Variants in MNAT1 observed in about 807,000 individuals in gnomAD.
MNAT1 encodes MNAT1 component of CDK activating kinase.
In MNAT1, 43 loss-of-function variants were observed where a neutral mutation model predicts 42.0. The observed-to-expected ratio is 1.02, with a 90% CI of 0.80 to 1.32. The LOEUF is 1.32. Ranked by LOEUF, MNAT1 falls within the 40% of genes most tolerant of loss-of-function variation. The pLI is 0.00. For missense variants in MNAT1, 306 were observed against 350.4 expected, an observed-to-expected ratio of 0.87 and a Z score of 1.01; for synonymous variants, 118 against 120.0, an observed-to-expected ratio of 0.98 and a Z score of 0.11.
At chr14:60,756,179 A>C (rs960155592) in intron 1 of MNAT1, among the ~76,000 whole-genome samples, 1 of 152,230 alleles carries the variant, frequency 6.6e-6, no homozygotes, top group Non-Finnish European at 1.5e-5. Context: ...TACATATAGC[A>C]CAATGTGGGA....
At chr14:60,802,907 C>T (rs1023176470) in intron 3 of MNAT1, among the ~76,000 whole-genome samples, 3 of 148,318 alleles carry the variant, frequency 2.0e-5, no homozygotes, top group Non-Finnish European at 4.5e-5. Context: ...TGGCATTGTT[C>T]GGTTTGTCAT....
At chr14:60,809,349 C>G (rs1400753783) in intron 4 of MNAT1, among the ~76,000 whole-genome samples, 2 of 152,120 alleles carry the variant, frequency 1.3e-5, no homozygotes, top group Admixed American at 1.3e-4. Flanking sequence ...GTAAAACTCT[C>G]AATGAATTGA....
intron 1 of MNAT1, 85 bp downstream of exon 1, chr14:60,735,036 G>C: frequency 7.7e-7 from 1 of 1,298,502 alleles, no homozygotes; most frequent in East Asian, 2.3e-5. Context: ...CTCGTCTTGG[G>C]AGCAAAGGGC....
At chr14:60,788,337 G>A (rs1029619667) in intron 1 of MNAT1, among the ~76,000 whole-genome samples, 11 of 152,090 alleles carry the variant, frequency 7.2e-5, no homozygotes, top group East Asian at 1.9e-4. Context: ...AAATAGATGC[G>A]CCATCATTCA....
chr14:60,831,527 A>G (rs141354156), intron 6 of MNAT1, among the ~76,000 whole-genome samples: 5 of 152,128 alleles, frequency 3.3e-5, no homozygotes, highest in African/African-American at 4.8e-5. Flanking sequence ...TTATGGCTAC[A>G]TAGTATTCCA....
intron 6 of MNAT1, among the ~76,000 whole-genome samples, chr14:60,836,086 A>C (rs1212785413): frequency 6.6e-6 from 1 of 152,020 alleles, no homozygotes; most frequent in Non-Finnish European, 1.5e-5. Flanking sequence ...CAGCTCCATC[A>C]GGTCATTTAT....
At chr14:60,963,281 G>A (rs528699336) in intron 7 of MNAT1, among the ~76,000 whole-genome samples, 8 of 152,224 alleles carry the variant, frequency 5.3e-5, no homozygotes, top group African/African-American at 1.7e-4. Context: ...CACCCAGCCG[G>A]CCATGTATTT....
chr14:60,835,300 C>G (rs1044428524), intron 6 of MNAT1, among the ~76,000 whole-genome samples: 1 of 152,048 alleles, frequency 6.6e-6, no homozygotes, highest in Non-Finnish European at 1.5e-5. Flanking sequence ...ATGATGCTAG[C>G]TGGTTATTTT....
intron 1 of MNAT1, among the ~76,000 whole-genome samples, chr14:60,781,973 G>GT (rs1555374253): frequency 2.9e-5 from 4 of 137,766 alleles, no homozygotes; most frequent in Non-Finnish European, 4.7e-5. Context: ...GTGTGTGTGT[G>GT]ATTTTTTTTT....
intron 7 of MNAT1, among the ~76,000 whole-genome samples, chr14:60,883,484 G>A (rs1021867505): frequency 2.0e-5 from 3 of 152,044 alleles, no homozygotes; most frequent in African/African-American, 7.2e-5. Context: ...CTATAGCTCT[G>A]TAGTATTTGA....
intron 7 of MNAT1, among the ~76,000 whole-genome samples, chr14:60,908,785 A>C (rs1364925650): frequency 6.6e-6 from 1 of 152,174 alleles, no homozygotes; most frequent in African/African-American, 2.4e-5. Flanking sequence ...GTAAACATAC[A>C]TGAGCATGTG....
intron 7 of MNAT1, among the ~76,000 whole-genome samples, chr14:60,967,232 T>C (rs181250982): frequency 1.0e-3 from 153 of 152,318 alleles, no homozygotes; most frequent in African/African-American, 3.5e-3. Flanking sequence ...AGACTTGTTA[T>C]GTTAGAAGTT....
intron 7 of MNAT1, among the ~76,000 whole-genome samples, chr14:60,901,030 A>C (rs1234688563): frequency 1.3e-5 from 2 of 150,334 alleles, no homozygotes; most frequent in Non-Finnish European, 3.0e-5. Context: ...AAAAAAAAAA[A>C]AAAAAAAAAA....
chr14:60,787,737 C>T (rs1439277359), intron 1 of MNAT1, among the ~76,000 whole-genome samples: 1 of 152,170 alleles, frequency 6.6e-6, no homozygotes, highest in African/African-American at 2.4e-5. Context: ...GGAGTAGATT[C>T]CATATCAAGA....
chr14:60,796,386 G>C lies in MNAT1; in HGVS notation c.242+17G>C, dbSNP rs762780256. On this transcript the variant is annotated intron_variant, in intron 2 of 7. Coordinates refer to ENST00000261245, the MANE Select transcript of MNAT1 (RefSeq NM_002431.4). ...GCTAAAGATGTAAGTATTCCTGCTC[G>C]AATGATTCAGTCAACAAAGAGGACT... 1 of 1,600,168 alleles carries C rather than the reference G, an allele frequency of 6.2e-7. No homozygotes were observed. The highest frequency in any genetic ancestry group is 8.5e-7 in the Non-Finnish European group (1 of 1,172,670).
At position 60,879,838 on chromosome 14, in the gene MNAT1, A is replaced by G. The variant is rs2034513806; in HGVS notation, c.809+3A>G. 1.9e-6 allele frequency: 3 copies of G among 1,611,604 alleles called. No homozygotes were observed. Among genetic ancestry groups the G allele is most frequent in the Non-Finnish European group, 2.5e-6 (3 of 1,178,838 alleles). On this transcript the variant is annotated splice_donor_region_variant and intron_variant, in intron 7 of 7. Transcript: ENST00000261245. ...CTTGAGATGCTAGGAAGACTTGGGT[A>G]TGTGTCCTAAAGAACTTTACATTGA...
intron 6 of MNAT1, among the ~76,000 whole-genome samples, chr14:60,877,208 T>C (rs2034453335): frequency 6.6e-6 from 1 of 152,086 alleles, no homozygotes; most frequent in South Asian, 2.1e-4. Context: ...ATATTGAGCA[T>C]CTTTTCATAT....
In MNAT1 at chr14:60,941,018, A is replaced by G. The variant is rs538057399; in HGVS notation, c.810-27211A>G. Among the ~76,000 whole-genome samples, 68 of 152,312 alleles carry G rather than the reference A, an allele frequency of 4.5e-4. No homozygotes were observed. In the South Asian group the frequency reaches 0.014, roughly 31 times the overall value. ...GTGTTAATATTTGAATTATTCTTTA[A>G]AAGTTTTTGGGAAATGCCTGTGTTA... is the stretch of plus-strand genomic sequence containing the variant. On this transcript the variant is annotated intron_variant, in intron 7 of 7. Coordinates refer to ENST00000261245, the MANE Select transcript of MNAT1 (RefSeq NM_002431.4).
intron 1 of MNAT1, among the ~76,000 whole-genome samples, chr14:60,738,395 A>G (rs960941344): frequency 4.0e-5 from 6 of 151,554 alleles, no homozygotes; most frequent in African/African-American, 1.5e-4. Flanking sequence ...AGCTGGGACT[A>G]CAGTCGCATG....
Sources: allele counts gnomAD v4.1 joint callset (sites outside exome capture counted in the v4.1 genomes callset), GRCh38; gene constraint gnomAD v4.1.1; transcripts MANE v1.5; gene names NCBI Gene and HGNC (gene_info 2026-07-23, HGNC 2026-07-21).